XXYLT1: variants seen among roughly 807,000 people sequenced by gnomAD.
XXYLT1 encodes UDP-xylose:alpha-xyloside alpha-1,3-xylosyltransferase.
Under a neutral mutation model 28.9 loss-of-function variants are expected in XXYLT1, and 20 were observed. The ratio of observed to expected loss-of-function variants is 0.69; its 90% CI spans 0.49 to 1.00. The LOEUF (loss-of-function observed/expected upper bound fraction) is 1.00. XXYLT1 is among the 50% of genes least tolerant of loss of function. The pLI is 0.00. For missense variants in XXYLT1, 542 were observed against 560.1 expected (o/e 0.97, Z 0.33); for synonymous variants, 257 against 253.8 (o/e 1.01, Z -0.12).
intron 1 of XXYLT1, among the ~76,000 whole-genome samples, chr3:195,230,092 A>T (rs1194800041): frequency 6.6e-6 from 1 of 152,158 alleles, no homozygotes; most frequent in Non-Finnish European, 1.5e-5. Context: ...GAGTGAGATG[A>T]TATCTCATTG....
At chr3:195,100,585 C>T (rs898498173) in intron 3 of XXYLT1, among the ~76,000 whole-genome samples, 1 of 152,146 alleles carries the variant, frequency 6.6e-6, no homozygotes, top group Admixed American at 6.5e-5. Flanking sequence ...TCCTCTCTCC[C>T]TGGCACTCTC....
At chr3:195,165,817 T>C (rs1203499060) in intron 2 of XXYLT1, among the ~76,000 whole-genome samples, 1 of 152,200 alleles carries the variant, frequency 6.6e-6, no homozygotes, top group Admixed American at 6.5e-5. Flanking sequence ...CTAAAAAAGA[T>C]GGACGATCTA....
Position 195,174,499 on chromosome 3 carries a change from C to T in XXYLT1, c.653-17918G>A, listed in dbSNP as rs148743744. Among the ~76,000 whole-genome samples the T allele has an allele frequency of 2.0e-3, 304 of 152,054 alleles. 1 individual carries two copies. The highest frequency in any genetic ancestry group is 7.0e-3 in the African/African-American group (289 of 41,466). Reference sequence around the variant, plus strand: ...GACCACAGGTGCACACCACTACACCCGGTTAATTTTAATTTTTTTTAAAAG... The same window carrying T: ...GACCACAGGTGCACACCACTACACCTGGTTAATTTTAATTTTTTTTAAAAG... On this transcript the variant is annotated intron_variant, in intron 2 of 3. Coordinates refer to ENST00000310380, the MANE Select transcript of XXYLT1 (RefSeq NM_152531.5).
chr3:195,219,779 A>C (rs1193960659), intron 2 of XXYLT1, among the ~76,000 whole-genome samples: 1 of 152,210 alleles, frequency 6.6e-6, no homozygotes, highest in Admixed American at 6.5e-5. Flanking sequence ...CAGACACTGA[A>C]ATAAGGACTC....
intron 3 of XXYLT1, among the ~76,000 whole-genome samples, chr3:195,145,817 T>C (rs1719815203): frequency 6.6e-6 from 1 of 152,178 alleles, no homozygotes; most frequent in Non-Finnish European, 1.5e-5. Flanking sequence ...CAAACAGTGA[T>C]AGAGCAGTCC....
chr3:195,268,660 A>G (rs755004141), intron 1 of XXYLT1, among the ~76,000 whole-genome samples: 21 of 151,836 alleles, frequency 1.4e-4, no homozygotes, highest in Admixed American at 5.2e-4. Flanking sequence ...CCCTTATCCA[A>G]TCACTGACAT....
At chr3:195,144,900 C>A (rs928888958) in intron 3 of XXYLT1, among the ~76,000 whole-genome samples, 2 of 152,180 alleles carry the variant, frequency 1.3e-5, no homozygotes, top group African/African-American at 4.8e-5. Context: ...CAGGAAGGTA[C>A]CGGCAGAAGA....
At chr3:195,106,878 A>G (rs565686187) in intron 3 of XXYLT1, among the ~76,000 whole-genome samples, 4 of 96,076 alleles carry the variant, frequency 4.2e-5, no homozygotes, top group African/African-American at 1.7e-4. Flanking sequence ...TCTCCAAAAC[A>G]CCCCCTAGAG....
chr3:195,252,848 A>G (rs886742632), intron 1 of XXYLT1, among the ~76,000 whole-genome samples: 1 of 152,150 alleles, frequency 6.6e-6, no homozygotes, highest in Non-Finnish European at 1.5e-5. Flanking sequence ...CTACAGTGAT[A>G]TGAACAATAA....
rs1002622792 is a variant in XXYLT1, at chr3:195,078,930, C to T, written c.786-8819G>A. 6.6e-6 allele frequency among the ~76,000 whole-genome samples: 1 copy of T among 152,174 alleles called. No homozygotes were observed. Among genetic ancestry groups the T allele is most frequent in the African/African-American group, 2.4e-5 (1 of 41,442 alleles). The stretch of plus-strand genomic sequence containing the variant: ...TCAAACCACACCTAAGCTACCCACT[C>T]GGCTCTCCATGAACTTTGCGACCAG... On this transcript the variant is annotated intron_variant, in intron 3 of 3. Transcript: ENST00000310380. This position sits in a 1 kb window ranked among gnomAD's most constrained non-coding sequence, Gnocchi z 5.0.
Position 195,118,614 on chromosome 3 carries a change from T to A in XXYLT1, c.785+37835A>T, listed in dbSNP as rs528377670. ...CTGGGCATTCCAAGCTGGGGGAGAA[T>A]GCAGCCTTCACAGACTTGCCACAGG... On this transcript the variant is annotated intron_variant, in intron 3 of 3. Coordinates refer to ENST00000310380, the MANE Select transcript of XXYLT1 (RefSeq NM_152531.5). 2.0e-5 allele frequency among the ~76,000 whole-genome samples: 3 copies of A among 150,612 alleles called. No individual in the cohort carries two copies. In the East Asian group the frequency reaches 5.8e-4, roughly 29 times the overall value.
rs1225903070 is a variant in XXYLT1, at chr3:195,256,836, T to C, written c.504+13719A>G. The stretch of plus-strand genomic sequence containing the variant: ...GCTGAAGTGAGCGCCCAGGGGCAGG[T>C]GCAGGCTGAAGAGCTTGCCCAGGGC... On this transcript the variant is annotated intron_variant, in intron 1 of 3. Coordinates refer to ENST00000310380, the MANE Select transcript of XXYLT1 (RefSeq NM_152531.5). This position sits in a 1 kb window ranked among gnomAD's most constrained non-coding sequence, Gnocchi z 4.2. Among the ~76,000 whole-genome samples, 2 of 152,128 alleles carry C rather than the reference T, an allele frequency of 1.3e-5. No homozygotes were observed. Among genetic ancestry groups the C allele is most frequent in the East Asian group, 1.9e-4 (1 of 5,178 alleles).
chr3:195,176,275 T>C lies in XXYLT1; in HGVS notation c.653-19694A>G, dbSNP rs1399840968. On this transcript the variant is annotated intron_variant, in intron 2 of 3. Coordinates refer to ENST00000310380, the MANE Select transcript of XXYLT1 (RefSeq NM_152531.5). The surrounding 1 kb of genome is among the most constrained non-coding windows in gnomAD (Gnocchi z 4.9). ...TTTCACCATGTTGCCCAGGCTGTAA[T>C]TTTAACAACATGACCACATTCCAGT... is the stretch of plus-strand genomic sequence containing the variant. Among the ~76,000 whole-genome samples the C allele has an allele frequency of 1.3e-5, 2 of 152,210 alleles. No homozygotes were observed. Among genetic ancestry groups the C allele is most frequent in the Non-Finnish European group, 2.9e-5 (2 of 68,030 alleles).
At chr3:195,244,519 T>C (rs991174045) in intron 1 of XXYLT1, among the ~76,000 whole-genome samples, 1 of 151,780 alleles carries the variant, frequency 6.6e-6, no homozygotes, top group Non-Finnish European at 1.5e-5. Context: ...CCCAGCACTT[T>C]GGGAGGCCAA....
At chr3:195,148,022 G>A (rs971372933) in intron 3 of XXYLT1, 7 of 152,220 alleles carry the variant, frequency 4.6e-5, no homozygotes, top group South Asian at 2.1e-4. Flanking sequence ...CTCACACTCC[G>A]ATCTTCAGCA....
intron 2 of XXYLT1, among the ~76,000 whole-genome samples, chr3:195,193,219 T>C (rs58385190): frequency 0.052 from 7,642 of 147,236 alleles, 600 homozygotes; most frequent in African/African-American, 0.18. Flanking sequence ...ACCCGGGAGG[T>C]GGAGGATGCA....
chr3:195,226,929 C>A lies in XXYLT1; in HGVS notation c.505-73G>T, dbSNP rs1332534611. 9.6e-6 allele frequency: 15 copies of A among 1,555,774 alleles called. No individual in the cohort carries two copies. In the East Asian group the frequency reaches 3.5e-4, roughly 36 times the overall value. On this transcript the variant is annotated intron_variant, in intron 1 of 3. Coordinates refer to ENST00000310380, the MANE Select transcript of XXYLT1 (RefSeq NM_152531.5). ...TGCAAGCTCAACACCCAACAAGCAC[C>A]TGGGCCCACAGAGGCAGAGGCAGAC...
Position 195,150,845 on chromosome 3 carries a change from CA to C in XXYLT1, c.785+5603del, listed in dbSNP as rs1560121854. On this transcript the variant is annotated intron_variant, in intron 3 of 3. Coordinates refer to ENST00000310380, the MANE Select transcript of XXYLT1 (RefSeq NM_152531.5). The surrounding 1 kb of genome is among the most constrained non-coding windows in gnomAD (Gnocchi z 4.7). Reference sequence around the variant, plus strand: ...ACACTCACACATACGCACACTCTCTCACACACTCTCACACACACACACACTC... The same window carrying C: ...ACACTCACACATACGCACACTCTCTCCACACTCTCACACACACACACACTC... Among the ~76,000 whole-genome samples, 196 of 140,020 alleles carry C rather than the reference CA, an allele frequency of 1.4e-3. 1 individual carries two copies. The highest frequency in any genetic ancestry group is 4.1e-3 in the African/African-American group (159 of 38,988). The allele number at this position is 140,020 out of a possible 152,430, so 91.9% of individuals were successfully genotyped here. A position where few individuals can be genotyped will look rare whatever the true frequency, so the allele number is the denominator to read the frequency against.
chr3:195,202,912 G>A (rs1375209688), intron 2 of XXYLT1, among the ~76,000 whole-genome samples: 4 of 152,144 alleles, frequency 2.6e-5, no homozygotes, highest in African/African-American at 9.7e-5. Context: ...ATCTTGGAAT[G>A]AAGCCTTTTC....
Sources: gnomAD v4.1 joint callset for allele counts (sites outside exome capture counted in the v4.1 genomes callset) on GRCh38, gnomAD v4.1.1 for gene constraint, Gnocchi (gnomAD v3.1) non-coding constraint, MANE v1.5 for transcripts, NCBI Gene and HGNC (gene_info 2026-07-23, HGNC 2026-07-21) for gene names.